Variants in GABRP observed in about 807,000 individuals in gnomAD.
GABRP encodes gamma-aminobutyric acid type A receptor subunit pi.
A neutral mutation model predicts 47.8 loss-of-function variants in GABRP; 52 were observed. That is an observed-to-expected ratio of 1.09 (90% confidence interval 0.87 to 1.37). The LOEUF (loss-of-function observed/expected upper bound fraction) is 1.37. Among genes scored for constraint, GABRP ranks in the 40% most tolerant of loss-of-function variants. The pLI is 0.00. For missense variants in GABRP, 525 were observed against 542.8 expected (o/e 0.97, Z 0.33); for synonymous variants, 221 against 205.8 (o/e 1.07, Z -0.63).
intron 1 of GABRP, among the ~76,000 whole-genome samples, chr5:170,784,756 A>G (rs1581584426): frequency 6.6e-6 from 1 of 152,224 alleles, no homozygotes; most frequent in Non-Finnish European, 1.5e-5. Context: ...CATTTGTCAG[A>G]TGGGAAAACT....
At chr5:170,789,377 T>C in intron 3 of GABRP, 130 bp downstream of exon 3, 2 of 614,556 alleles carry the variant, frequency 3.3e-6, no homozygotes, top group South Asian at 4.0e-5. Flanking sequence ...TTGGCAATGA[T>C]GGATGAGGAT....
chr5:170,785,555 G>C (rs1765107453), intron 1 of GABRP, among the ~76,000 whole-genome samples: 1 of 152,190 alleles, frequency 6.6e-6, no homozygotes, highest in Admixed American at 6.5e-5. Context: ...TACATTTCTG[G>C]CTCTAGCCTG....
intron 6 of GABRP, among the ~76,000 whole-genome samples, chr5:170,798,775 T>C (rs1021903365): frequency 1.3e-5 from 2 of 148,186 alleles, no homozygotes; most frequent in African/African-American, 5.3e-5. Context: ...ATTTTATTTC[T>C]TTTTTCATTT....
intron 9 of GABRP, 41 bp downstream of exon 9, chr5:170,809,796 G>T (rs1445433314): frequency 6.5e-7 from 1 of 1,544,922 alleles, no homozygotes; most frequent in Admixed American, 1.9e-5. Context: ...CATCACTGGT[G>T]CCGTGTGCTG....
chr5:170,800,966 G>A (rs969569372), intron 6 of GABRP, among the ~76,000 whole-genome samples: 10 of 152,114 alleles, frequency 6.6e-5, no homozygotes, highest in Admixed American at 6.6e-4. Flanking sequence ...AATATATGTA[G>A]TAATAAATAT....
intron 4 of GABRP, 108 bp from the exon 5 acceptor site, chr5:170,795,100 C>T: frequency 1.3e-6 from 1 of 773,804 alleles, no homozygotes; most frequent in South Asian, 1.5e-5. Context: ...TATTCTTGCT[C>T]TAAGTGGAGG....
At chr5:170,787,174 G>A (rs1765150084) in intron 1 of GABRP, among the ~76,000 whole-genome samples, 1 of 152,162 alleles carries the variant, frequency 6.6e-6, no homozygotes, top group African/African-American at 2.4e-5. Context: ...CTGACTTGTT[G>A]CCATTTCAAC....
chr5:170,811,989 A>G lies in GABRP; in HGVS notation c.1054A>G (p.Thr352Ala), dbSNP rs757600887. The G allele has an allele frequency of 1.2e-6, 2 of 1,614,200 alleles. No homozygotes were observed. Among genetic ancestry groups the G allele is most frequent in the Admixed American group, 3.3e-5 (2 of 60,026 alleles). Residue 352 changes from threonine to alanine, a missense_variant, in exon 10 of 10, where the codon ACT (threonine) becomes GCT (alanine). Transcript: ENST00000265294. ...AAAGGAAGTAGAAGAAGTCAGTATT[A>G]CTAATATCATCAACAGCTCCATCTC... ...TTKEVEEVSI[T>A]NIINSSISSF...
At chr5:170,788,008 T>C (rs1453584342) in intron 1 of GABRP, among the ~76,000 whole-genome samples, 1 of 152,324 alleles carries the variant, frequency 6.6e-6, no homozygotes, top group African/African-American at 2.4e-5. Context: ...CTGGTGCTGA[T>C]GAACCACTCT....
intron 5 of GABRP, among the ~76,000 whole-genome samples, chr5:170,797,107 G>A (rs1018804600): frequency 9.2e-5 from 14 of 152,218 alleles, no homozygotes; most frequent in Non-Finnish European, 1.8e-4. Context: ...AAGTGGTGAC[G>A]ATAGTGATGG....
At chr5:170,794,429 G>A in intron 4 of GABRP, 131 bp downstream of exon 4, 1 of 491,384 alleles carries the variant, frequency 2.0e-6, no homozygotes, top group Non-Finnish European at 3.5e-6. Flanking sequence ...ATTTGGAATG[G>A]CAGAAGCTGG....
At chr5:170,786,995 TG>T (rs759646331) in intron 1 of GABRP, among the ~76,000 whole-genome samples, 11 of 152,318 alleles carry the variant, frequency 7.2e-5, no homozygotes, top group Middle Eastern at 3.4e-3. Context: ...GTTTTTGTTA[TG>T]TTTTTTTAAA....
upstream of GABRP, among the ~76,000 whole-genome samples, chr5:170,783,457 C>A (rs184135480): frequency 6.6e-6 from 1 of 152,096 alleles, no homozygotes; most frequent in Non-Finnish European, 1.5e-5. Context: ...GTGGGGGTCA[C>A]CCACTTTATC....
At chr5:170,811,884 A>G (rs1765892616) in intron 9 of GABRP, 72 bp from the exon 10 acceptor site, 1 of 1,386,824 alleles carries the variant, frequency 7.2e-7, no homozygotes, top group South Asian at 1.3e-5. Context: ...TAAACTTTTT[A>G]TTAGCTCATT....
Position 170,797,471 on chromosome 5 carries a change from C to T in GABRP, c.464C>T (p.Thr155Met), listed in dbSNP as rs139025605. The T allele has an allele frequency of 7.4e-5, 119 of 1,606,418 alleles. No homozygotes were observed. The highest frequency in any genetic ancestry group is 8.7e-5 in the Non-Finnish European group (102 of 1,173,124). ...AACCTGTTTTTCCCTCTTAGAATCA[C>T]GACAACTGTTGCATGTAACATGGAT... Reference protein sequence around the residue: ...NGTVLYALRITTTVACNMDLS... With the variant: ...NGTVLYALRIMTTVACNMDLS... The change falls in exon 6 of 10, where the codon ACG becomes ATG. Residue 155 changes from threonine (T) to methionine (M), a missense_variant. Coordinates refer to ENST00000265294, the MANE Select transcript of GABRP (RefSeq NM_014211.3).
intron 6 of GABRP, among the ~76,000 whole-genome samples, chr5:170,800,805 G>A (rs998069548): frequency 2.4e-4 from 37 of 152,118 alleles, no homozygotes; most frequent in Admixed American, 2.4e-3. Flanking sequence ...AATTAGCCAG[G>A]TGTGATGGTG....
At chr5:170,796,658 G>A (rs112719798) in intron 5 of GABRP, among the ~76,000 whole-genome samples, 43 of 152,262 alleles carry the variant, frequency 2.8e-4, no homozygotes, top group African/African-American at 7.7e-4. Flanking sequence ...TGCATGCAAA[G>A]CACTCAGCCC....
chr5:170,788,917 A>C (rs2303132), intron 2 of GABRP, among the ~76,000 whole-genome samples: 1 of 152,234 alleles, frequency 6.6e-6, no homozygotes, highest in African/African-American at 2.4e-5. Flanking sequence ...CCAAATTACC[A>C]TGATATTTTG....
chr5:170,789,762 C>T (rs143037510), intron 3 of GABRP, among the ~76,000 whole-genome samples: 2,160 of 152,252 alleles, frequency 0.014, 28 homozygotes, highest in Middle Eastern at 0.027. Context: ...CCCAAGTCCC[C>T]GCTCCTTCCC....
Sources: allele counts gnomAD v4.1 joint callset (sites outside exome capture counted in the v4.1 genomes callset), GRCh38; gene constraint gnomAD v4.1.1; transcripts MANE v1.5; gene names NCBI Gene and HGNC (gene_info 2026-07-23, HGNC 2026-07-21).